Variants in MAP3K20 observed in about 807,000 individuals in gnomAD.
The protein encoded by MAP3K20 is HCCS-4.
A neutral mutation model predicts 85.7 loss-of-function variants in MAP3K20; 40 were observed. The ratio of observed to expected loss-of-function variants is 0.47; its 90% CI spans 0.36 to 0.61. The LOEUF (loss-of-function observed/expected upper bound fraction) is 0.61. MAP3K20 is among the 20% of genes least tolerant of loss of function. The pLI is 0.00. For missense variants in MAP3K20, 817 were observed against 961.7 expected (o/e 0.85, Z 1.99); for synonymous variants, 325 against 327.7 (o/e 0.99, Z 0.09).
At chr2:173,211,636 G>C (rs1683896999) in intron 10 of MAP3K20, 1 of 151,674 alleles carries the variant, frequency 6.6e-6, no homozygotes. Flanking sequence ...AGTAATTCGG[G>C]CCAGGCACAG....
chr2:173,208,498 A>G (rs1683766027), intron 9 of MAP3K20, among the ~76,000 whole-genome samples: 1 of 152,172 alleles, frequency 6.6e-6, no homozygotes, highest in African/African-American at 2.4e-5. Flanking sequence ...CAAGCTTCCT[A>G]CTTAGGGCAT....
intron 14 of MAP3K20, among the ~76,000 whole-genome samples, chr2:173,237,591 C>CA (rs1278149578): frequency 6.6e-6 from 1 of 152,056 alleles, no homozygotes; most frequent in Non-Finnish European, 1.5e-5. Context: ...GCTGAGTATC[C>CA]AAAAAATCAT....
At chr2:173,238,470 C>A (rs1684703392) in intron 15 of MAP3K20, 35 bp downstream of exon 15, 2 of 1,566,032 alleles carry the variant, frequency 1.3e-6, no homozygotes, top group Non-Finnish European at 8.8e-7. Context: ...ACTAATGCTA[C>A]CTTTATTGAC....
chr2:173,166,075 A>G lies in MAP3K20; in HGVS notation c.160-3730A>G, dbSNP rs1174905964. ...ACAGAAACGCTGTACCCATTAAGCA[A>G]TAACTCCTCATTTTCTCCTCCCATC... On this transcript the variant is annotated intron_variant, in intron 2 of 19. Coordinates refer to ENST00000375213, the MANE Select transcript of MAP3K20 (RefSeq NM_016653.3). Among the ~76,000 whole-genome samples, 5 of 152,214 alleles carry G rather than the reference A, an allele frequency of 3.3e-5. No individual in the cohort carries two copies. In the East Asian group the frequency reaches 5.8e-4, roughly 18 times the overall value.
chr2:173,138,631 A>G (rs1480644533), intron 2 of MAP3K20, among the ~76,000 whole-genome samples: 1 of 152,190 alleles, frequency 6.6e-6, no homozygotes, highest in East Asian at 1.9e-4. Context: ...TTCAGTAGCA[A>G]CAGATTCAGT....
intron 2 of MAP3K20, among the ~76,000 whole-genome samples, chr2:173,108,990 T>A (rs1687864836): frequency 6.6e-6 from 1 of 152,222 alleles, no homozygotes; most frequent in Admixed American, 6.5e-5. Flanking sequence ...TTTTCAATCA[T>A]GCAAAGTACC....
chr2:173,235,671 C>T (rs1209961964), intron 14 of MAP3K20, among the ~76,000 whole-genome samples: 4 of 152,216 alleles, frequency 2.6e-5, no homozygotes, highest in African/African-American at 7.2e-5. Context: ...GGTTGCACAA[C>T]ATCGTGAATG....
chr2:173,223,613 T>C (rs1414467785), intron 11 of MAP3K20: 1 of 985,310 alleles, frequency 1.0e-6, no homozygotes, highest in African/African-American at 1.7e-5. Context: ...GCTAAACAGA[T>C]TTTTTCTGTT....
intron 3 of MAP3K20, among the ~76,000 whole-genome samples, chr2:173,173,747 T>C (rs539613933): frequency 7.2e-5 from 11 of 152,336 alleles, no homozygotes; most frequent in East Asian, 3.9e-4. Context: ...TAAATGAAGC[T>C]TGGTCTTGGT....
chr2:173,266,141 G>T lies in MAP3K20; in HGVS notation c.1794G>T (p.Gly598=). The T allele has an allele frequency of 6.2e-7, 1 of 1,613,730 alleles. No individual in the cohort carries two copies. Among genetic ancestry groups the T allele is most frequent in the Non-Finnish European group, 8.5e-7 (1 of 1,179,906 alleles). Residue 598 remains glycine, a synonymous_variant, in exon 20 of 20, where the codon GGG becomes GGT. Coordinates refer to ENST00000375213, the MANE Select transcript of MAP3K20 (RefSeq NM_016653.3). ...LQRSQSNPIL[G]SPFFSHFDGQ... ...GTTCCCAGAGCAATCCTATTCTGGG[G>T]TCACCGTTCTTCTCACACTTTGATG...
At chr2:173,144,469 AAAAAAAAAAAAAAAAAG>A (rs1000094486) in intron 2 of MAP3K20, among the ~76,000 whole-genome samples, 1 of 109,646 alleles carries the variant, frequency 9.1e-6, no homozygotes, top group Non-Finnish European at 1.8e-5. Flanking sequence ...TCTCAAAAAA[AAAAAAAAAAAAAAAAAG>A]AAAAGAAAGA....
intron 2 of MAP3K20, among the ~76,000 whole-genome samples, chr2:173,154,809 A>G (rs111721269): frequency 1.8e-3 from 276 of 152,296 alleles, no homozygotes; most frequent in Admixed American, 3.8e-3. Flanking sequence ...ACTATAACCT[A>G]TATAGGATAC....
chr2:173,196,086 G>A (rs949972831), intron 7 of MAP3K20, among the ~76,000 whole-genome samples: 6 of 58,020 alleles, frequency 1.0e-4, no homozygotes, highest in East Asian at 7.3e-4. Flanking sequence ...TGTACACGGC[G>A]TGTTTATCAT....
chr2:173,177,029 C>T (rs1432296551), intron 3 of MAP3K20, among the ~76,000 whole-genome samples: 9 of 152,120 alleles, frequency 5.9e-5, no homozygotes, highest in Non-Finnish European at 1.3e-4. Context: ...ACACCTAAAA[C>T]AGGTCTCAAA....
At chr2:173,132,521 C>G (rs1172508607) in intron 2 of MAP3K20, among the ~76,000 whole-genome samples, 2 of 152,174 alleles carry the variant, frequency 1.3e-5, no homozygotes, top group Non-Finnish European at 2.9e-5. Context: ...TTAAAACACC[C>G]TTCCTTCAAA....
intron 2 of MAP3K20, among the ~76,000 whole-genome samples, chr2:173,156,656 C>G (rs1415633879): frequency 6.6e-6 from 1 of 152,134 alleles, no homozygotes; most frequent in Non-Finnish European, 1.5e-5. Flanking sequence ...CTAATGCTGC[C>G]TCTGATCTGA....
At position 173,130,938 on chromosome 2, in the gene MAP3K20, CAAAT is replaced by C. The variant is rs200015244; in HGVS notation, c.160-38864_160-38861del. ...CTGAAACATGTGGCTATGACTAAAA[CAAAT>C]AAGATGCTTCTAAGAACAGATTGTG... is the stretch of plus-strand genomic sequence containing the variant. On this transcript the variant is annotated intron_variant, in intron 2 of 19. Coordinates refer to ENST00000375213, the MANE Select transcript of MAP3K20 (RefSeq NM_016653.3). Among the ~76,000 whole-genome samples, 1,495 of 152,278 alleles carry C rather than the reference CAAAT, an allele frequency of 9.8e-3. 13 individuals carry two copies. The highest frequency in any genetic ancestry group is 0.013 in the Non-Finnish European group (861 of 68,012).
At chr2:173,109,087 T>G (rs915681140) in intron 2 of MAP3K20, among the ~76,000 whole-genome samples, 7 of 152,336 alleles carry the variant, frequency 4.6e-5, no homozygotes, top group Middle Eastern at 3.4e-3. Flanking sequence ...ATCTCCTTAC[T>G]TCTCTTTTTT....
chr2:173,235,090 G>A (rs1354545356), intron 14 of MAP3K20, among the ~76,000 whole-genome samples: 2 of 152,170 alleles, frequency 1.3e-5, no homozygotes, highest in African/African-American at 4.8e-5. Flanking sequence ...GGCCGCTGTC[G>A]CAGGCAGTAA....
Sources: allele counts gnomAD v4.1 joint callset (sites outside exome capture counted in the v4.1 genomes callset), GRCh38; gene constraint gnomAD v4.1.1; transcripts MANE v1.5; gene names NCBI Gene and HGNC (gene_info 2026-07-23, HGNC 2026-07-21).